Variants in HHLA2 observed in about 807,000 individuals in gnomAD.
HHLA2 encodes the protein HERV-H LTR-associating protein 2.
In HHLA2, 48 loss-of-function variants were observed where a neutral mutation model predicts 45.9. The observed-to-expected ratio is 1.05, with a 90% CI of 0.83 to 1.33. The LOEUF (loss-of-function observed/expected upper bound fraction) is 1.33. HHLA2 is among the 40% of genes most tolerant of loss of function. The pLI is 0.00. For missense variants in HHLA2, 462 were observed against 494.3 expected (o/e 0.93, Z 0.62); for synonymous variants, 161 against 173.9 (o/e 0.93, Z 0.59).
At chr3:108,377,355 C>T in exon 11 of HHLA2, 1 of 1,037,546 alleles carries the variant, frequency 9.6e-7, no homozygotes, top group Non-Finnish European at 1.5e-6. Context: ...TTCTTCACCA[C>T]AATTCCAGGC....
chr3:108,356,526 A>C (rs1289864873), intron 6 of HHLA2, among the ~76,000 whole-genome samples: 1 of 152,170 alleles, frequency 6.6e-6, no homozygotes, highest in Non-Finnish European at 1.5e-5. Context: ...ATGAGTACCC[A>C]ATGTTCATTC....
At chr3:108,360,547 A>G (rs539024312) in intron 7 of HHLA2, among the ~76,000 whole-genome samples, 1 of 152,342 alleles carries the variant, frequency 6.6e-6, no homozygotes, top group African/African-American at 2.4e-5. Flanking sequence ...GGTTACTTGA[A>G]CACAAGCATT....
intron 2 of HHLA2, chr3:108,325,500 A>G: frequency 2.9e-6 from 1 of 345,084 alleles, no homozygotes; most frequent in East Asian, 9.5e-5. Context: ...GCTTCCTGGC[A>G]GTAATTAAAA....
At chr3:108,298,095 T>C (rs774802562) in intron 1 of HHLA2, among the ~76,000 whole-genome samples, 8 of 152,166 alleles carry the variant, frequency 5.3e-5, no homozygotes, top group Non-Finnish European at 1.2e-4. Context: ...AATACCCCTT[T>C]TCCAAGTATC....
At chr3:108,370,126 G>C (rs142973641) in intron 8 of HHLA2, among the ~76,000 whole-genome samples, 4,093 of 152,254 alleles carry the variant, frequency 0.027, 85 homozygotes, top group Middle Eastern at 0.054. Context: ...CCAGAGGAAC[G>C]ATCAGGCAGC....
At chr3:108,376,686 G>T in intron 10 of HHLA2, 129 bp downstream of exon 9, 2 of 734,762 alleles carry the variant, frequency 2.7e-6, no homozygotes, top group Non-Finnish European at 2.2e-6. Flanking sequence ...AGCAGCAGGG[G>T]TTGCAGGATA....
intron 8 of HHLA2, among the ~76,000 whole-genome samples, chr3:108,364,317 A>G (rs1203428462): frequency 2.6e-5 from 4 of 152,246 alleles, no homozygotes; most frequent in Non-Finnish European, 4.4e-5. Context: ...TGCAAAGCAC[A>G]TGAACTCATT....
intron 8 of HHLA2, among the ~76,000 whole-genome samples, chr3:108,369,623 G>A (rs1019533048): frequency 3.9e-4 from 59 of 152,282 alleles, no homozygotes; most frequent in African/African-American, 7.0e-4. Flanking sequence ...CTAATACTGC[G>A]CTTTTCCAAT....
intron 3 of HHLA2, among the ~76,000 whole-genome samples, chr3:108,350,321 G>T (rs539320230): frequency 6.6e-6 from 1 of 152,074 alleles, no homozygotes; most frequent in East Asian, 1.9e-4. Context: ...ATATTTTGTT[G>T]CTTTTTCCAT....
chr3:108,303,977 A>G (rs1226388569), intron 1 of HHLA2, among the ~76,000 whole-genome samples: 1 of 152,112 alleles, frequency 6.6e-6, no homozygotes, highest in Non-Finnish European at 1.5e-5. Context: ...TTGTTAGATA[A>G]TTGAACTGAC....
chr3:108,375,857 A>C (rs373440339), intron 9 of HHLA2, 57 bp downstream of exon 8: 5 of 1,587,324 alleles, frequency 3.1e-6, no homozygotes, highest in Non-Finnish European at 4.3e-6. Flanking sequence ...AGCAGTCAAA[A>C]GATATCGGCA....
chr3:108,301,317 A>T (rs6769464), intron 1 of HHLA2, among the ~76,000 whole-genome samples: 9,490 of 152,044 alleles, frequency 0.062, 436 homozygotes, highest in East Asian at 0.23. Flanking sequence ...TTTTTACTGT[A>T]CTTTTGTCTT....
intron 1 of HHLA2, among the ~76,000 whole-genome samples, chr3:108,298,523 T>C (rs1398331910): frequency 6.6e-6 from 1 of 152,254 alleles, no homozygotes; most frequent in Admixed American, 6.5e-5. Context: ...CCATCTTCAG[T>C]AAAATGCATA....
intron 1 of HHLA2, among the ~76,000 whole-genome samples, chr3:108,297,229 T>C (rs2080775305): frequency 6.6e-6 from 1 of 152,160 alleles, no homozygotes; most frequent in Non-Finnish European, 1.5e-5. Flanking sequence ...CTTTGGATAA[T>C]AGAAAAAAAT....
At chr3:108,343,191 G>A (rs928863841) in intron 3 of HHLA2, among the ~76,000 whole-genome samples, 26 of 152,104 alleles carry the variant, frequency 1.7e-4, no homozygotes, top group Non-Finnish European at 4.4e-5. Flanking sequence ...ATTTTTTCTT[G>A]TTTCTCAGAA....
intron 4 of HHLA2, among the ~76,000 whole-genome samples, chr3:108,352,144 G>GT (rs2081790002): frequency 5.0e-5 from 2 of 40,244 alleles, no homozygotes; most frequent in African/African-American, 2.1e-4. Flanking sequence ...TTGATTGATT[G>GT]ATTTTTTTTT....
At chr3:108,356,642 G>T (rs1474379026) in intron 6 of HHLA2, among the ~76,000 whole-genome samples, 1 of 152,198 alleles carries the variant, frequency 6.6e-6, no homozygotes, top group East Asian at 1.9e-4. Context: ...TTAGAATTGA[G>T]TGTCTTGAAG....
At chr3:108,364,982 C>CAGAT (rs1391497787) in intron 8 of HHLA2, among the ~76,000 whole-genome samples, 2 of 152,188 alleles carry the variant, frequency 1.3e-5, no homozygotes, top group Non-Finnish European at 2.9e-5. Flanking sequence ...TATGGCTGAG[C>CAGAT]AGATGCTCTT....
intron 2 of HHLA2, among the ~76,000 whole-genome samples, chr3:108,317,972 G>A (rs79269403): frequency 0.21 from 31,568 of 151,618 alleles, 3,421 homozygotes; most frequent in South Asian, 0.25. Context: ...ACCTGAGGTC[G>A]GGAATTCGAG....
Sources: allele counts gnomAD v4.1 joint callset (sites outside exome capture counted in the v4.1 genomes callset), GRCh38; gene constraint gnomAD v4.1.1; transcripts MANE v1.5; gene names NCBI Gene and HGNC (gene_info 2026-07-23, HGNC 2026-07-21).